TMEM132C: variants seen among roughly 807,000 people sequenced by gnomAD.
The protein encoded by TMEM132C is protein phosphatase 1, regulatory subunit 152.
TMEM132C carries 29 observed loss-of-function variants against 61.4 expected under a neutral mutation model. That is an observed-to-expected ratio of 0.47 (90% CI 0.35 to 0.64). The LOEUF is 0.64. TMEM132C is among the 30% of genes least tolerant of loss of function. The pLI is 0.00. For missense variants in TMEM132C, 1,408 were observed against 1,476.9 expected (o/e 0.95, Z 0.76); for synonymous variants, 656 against 633.1 (o/e 1.04, Z -0.54).
chr12:128,359,246 T>C (rs1873617261), intron 1 of TMEM132C, among the ~76,000 whole-genome samples: 1 of 152,190 alleles, frequency 6.6e-6, no homozygotes, highest in Non-Finnish European at 1.5e-5. Context: ...TTTAATTGCC[T>C]CACAGTTCCT....
At chr12:128,435,375 T>C (rs932328409) in intron 2 of TMEM132C, among the ~76,000 whole-genome samples, 6 of 152,188 alleles carry the variant, frequency 3.9e-5, no homozygotes, top group African/African-American at 1.4e-4. Flanking sequence ...TGTTCACAGA[T>C]GACATGATTG....
intron 4 of TMEM132C, among the ~76,000 whole-genome samples, chr12:128,663,006 G>A (rs1004661459): frequency 6.6e-6 from 1 of 152,156 alleles, no homozygotes; most frequent in Non-Finnish European, 1.5e-5. Context: ...CCACGCGGGA[G>A]CCCAGAATCG....
At chr12:128,689,865 T>C (rs1954705789) in intron 5 of TMEM132C, among the ~76,000 whole-genome samples, 1 of 152,214 alleles carries the variant, frequency 6.6e-6, no homozygotes, top group African/African-American at 2.4e-5. Flanking sequence ...GAATCTGAGA[T>C]GGACACTCAG....
chr12:128,586,904 G>C (rs1875567227), intron 3 of TMEM132C, among the ~76,000 whole-genome samples: 1 of 152,186 alleles, frequency 6.6e-6, no homozygotes, highest in South Asian at 2.1e-4. Flanking sequence ...GCTCTCCTCT[G>C]GCGGTGCAGA....
chr12:128,648,579 A>C (rs1277908080), intron 4 of TMEM132C, among the ~76,000 whole-genome samples: 1 of 146,786 alleles, frequency 6.8e-6, no homozygotes, highest in East Asian at 2.1e-4. Context: ...GGAGTCCATC[A>C]GCACTGGATG....
intron 3 of TMEM132C, among the ~76,000 whole-genome samples, chr12:128,588,259 C>A (rs369258168): frequency 2.0e-5 from 3 of 152,046 alleles, no homozygotes; most frequent in Non-Finnish European, 4.4e-5. Context: ...TATGGTGAAA[C>A]CCCATCTCTA....
At chr12:128,323,918 G>T (rs940594016) in intron 1 of TMEM132C, among the ~76,000 whole-genome samples, 19 of 152,334 alleles carry the variant, frequency 1.2e-4, no homozygotes, top group African/African-American at 4.6e-4. Context: ...GGAGGGGAAA[G>T]AGAGGGAGGG....
At chr12:128,465,356 G>T (rs377341661) in intron 2 of TMEM132C, among the ~76,000 whole-genome samples, 2 of 150,814 alleles carry the variant, frequency 1.3e-5, no homozygotes, top group Admixed American at 6.6e-5. Context: ...CTGCCACCAC[G>T]CCCAGCTAAT....
intron 3 of TMEM132C, among the ~76,000 whole-genome samples, chr12:128,607,484 G>A (rs945429418): frequency 2.6e-5 from 4 of 152,194 alleles, no homozygotes; most frequent in African/African-American, 7.2e-5. Context: ...GGTTAGGGCC[G>A]AAATGGGCAT....
rs181567542 is a variant in TMEM132C at position 128,513,700 on chromosome 12, A to T, written c.975-30257A>T. 2.1e-3 allele frequency among the ~76,000 whole-genome samples: 314 copies of T among 152,316 alleles called. 1 individual carries two copies. The highest frequency in any genetic ancestry group is 2.6e-3 in the Non-Finnish European group (175 of 68,024). On this transcript the variant is annotated intron_variant, in intron 2 of 8. Transcript: ENST00000435159. ...GAAAGATGTCAGGTATAAAAATGAG[A>T]TGTAGGCACTAGAGAGATTTCTTTT...
chr12:128,326,257 C>T lies in TMEM132C; in HGVS notation c.85+58770C>T, dbSNP rs1565901936. 2.6e-5 allele frequency among the ~76,000 whole-genome samples: 4 copies of T among 152,248 alleles called. No individual in the cohort carries two copies. The highest frequency in any genetic ancestry group is 1.3e-4 in the Admixed American group (2 of 15,294). ...TGGTTTGAGCACCTCCATTCCTCCC[C>T]ACCACCATCACTCCATGAACCCCCC... On this transcript the variant is annotated intron_variant, in intron 1 of 8. Coordinates refer to ENST00000435159, the MANE Select transcript of TMEM132C (RefSeq NM_001136103.3). This position sits in a 1 kb window ranked among gnomAD's most constrained non-coding sequence, Gnocchi z 5.6.
Position 128,415,472 on chromosome 12 carries a change from C to G in TMEM132C, c.826C>G (p.Arg276Gly), listed in dbSNP as rs530378981. 2 of 1,551,616 alleles carry G rather than the reference C, an allele frequency of 1.3e-6. No individual in the cohort carries two copies. Among genetic ancestry groups the G allele is most frequent in the Admixed American group, 2.0e-5 (1 of 51,000 alleles). Residue 276 changes from arginine to glycine, a missense_variant, in exon 2 of 9, where the codon CGG (arginine) becomes GGG (glycine). By Grantham distance (125) the Arg-to-Gly change is moderately radical. Coordinates refer to ENST00000435159, the MANE Select transcript of TMEM132C (RefSeq NM_001136103.3). The surrounding 1 kb of genome is among the most constrained non-coding windows in gnomAD (Gnocchi z 5.8). ...GAGGATCGGCACCGTCGGCCTTTAC[C>G]GGGCCCAGGACAGCGCCCAGCTCAG... is the stretch of plus-strand genomic sequence containing the variant. ...LQRIGTVGLY[R>G]AQDSAQLSEL...
chr12:128,622,072 G>A (rs1953967969), intron 4 of TMEM132C, among the ~76,000 whole-genome samples: 1 of 151,916 alleles, frequency 6.6e-6, no homozygotes, highest in Non-Finnish European at 1.5e-5. Flanking sequence ...GGCTGGGCAT[G>A]GTGGCTTACA....
chr12:128,298,541 AGC>A (rs1871496576), intron 1 of TMEM132C, among the ~76,000 whole-genome samples: 1 of 152,176 alleles, frequency 6.6e-6, no homozygotes, highest in Non-Finnish European at 1.5e-5. Context: ...TACGACTCAC[AGC>A]CAGGAAACCA....
intron 1 of TMEM132C, among the ~76,000 whole-genome samples, chr12:128,362,681 C>T (rs541055440): frequency 2.6e-5 from 4 of 152,290 alleles, no homozygotes; most frequent in South Asian, 4.1e-4. Flanking sequence ...TTCCTTTGAA[C>T]GTGACCTTTG....
intron 2 of TMEM132C, among the ~76,000 whole-genome samples, chr12:128,469,509 G>A (rs567943216): frequency 1.1e-4 from 16 of 151,918 alleles, no homozygotes; most frequent in African/African-American, 3.6e-4. Context: ...TAGAGACAGG[G>A]TTTTGCTATG....
At chr12:128,687,801 C>G (rs76043770) in intron 5 of TMEM132C, among the ~76,000 whole-genome samples, 29,919 of 152,034 alleles carry the variant, frequency 0.2, 3,656 homozygotes, top group African/African-American at 0.35. Flanking sequence ...GAGAAGAGGC[C>G]CCTGGGCTGC....
intron 1 of TMEM132C, among the ~76,000 whole-genome samples, chr12:128,352,741 A>G (rs1873379656): frequency 6.6e-6 from 1 of 152,212 alleles, no homozygotes; most frequent in Admixed American, 6.5e-5. Flanking sequence ...GGAGTCTAAT[A>G]GTTCACAGCT....
intron 2 of TMEM132C, among the ~76,000 whole-genome samples, chr12:128,508,212 A>T (rs922260903): frequency 2.0e-5 from 3 of 151,890 alleles, no homozygotes; most frequent in Admixed American, 6.6e-5. Flanking sequence ...AAAGCGGAAA[A>T]CCCCTTATAA....
Sources: allele counts gnomAD v4.1 joint callset (sites outside exome capture counted in the v4.1 genomes callset), GRCh38; gene constraint gnomAD v4.1.1; non-coding constraint Gnocchi (gnomAD v3.1); transcripts MANE v1.5; gene names NCBI Gene and HGNC (gene_info 2026-07-23, HGNC 2026-07-21).